Variants in ATP7A observed in about 807,000 individuals in gnomAD.
ATP7A encodes ATPase copper transporting alpha.
In ATP7A, 7 loss-of-function variants were observed where a neutral mutation model predicts 83.5. The observed-to-expected ratio is 0.08, with a 90% CI of 0.05 to 0.16. The LOEUF (loss-of-function observed/expected upper bound fraction) is 0.16, where lower values mean the gene tolerates loss of function less well. Among genes scored for constraint, ATP7A ranks in the 10% least tolerant of loss-of-function variants. The pLI is 1.00. For missense variants in ATP7A, 940 were observed against 1,120.8 expected (o/e 0.84, Z 2.30); for synonymous variants, 354 against 395.2 (o/e 0.90, Z 1.24).
chrX:77,948,125 G>A (rs202142685), intron 1 of ATP7A, among the ~76,000 whole-genome samples: 15 of 94,077 alleles, frequency 1.6e-4, no homozygotes, highest in East Asian at 1.3e-3. Context: ...TCATTCATTC[G>A]TTCATTCATT....
chrX:78,030,200 C>T (rs2077973841), intron 15 of ATP7A, among the ~76,000 whole-genome samples: 1 of 111,866 alleles, frequency 8.9e-6, no homozygotes, highest in South Asian at 3.7e-4. Context: ...CTGAGGCAGG[C>T]GGACCACGAG....
intron 1 of ATP7A, among the ~76,000 whole-genome samples, chrX:77,934,192 T>C (rs971253457): frequency 5.4e-5 from 6 of 111,056 alleles, no homozygotes; most frequent in Non-Finnish European, 1.1e-4. Flanking sequence ...GGCAGGAGGA[T>C]TGCTTGAGCT....
chrX:78,020,283 T>C lies in ATP7A; in HGVS notation c.2666T>C (p.Val889Ala). 8.3e-7 allele frequency: 1 copy of C among 1,211,588 alleles called. No individual in the cohort carries two copies. Among genetic ancestry groups the C allele is most frequent in the Non-Finnish European group, 1.1e-6 (1 of 895,247 alleles). ...MPVAKKPGST[V>A]IAGSINQNGS... The stretch of plus-strand genomic sequence containing the variant: ...GTGGCTAAGAAACCTGGCAGCACAG[T>C]GATTGCTGGTTCCATTAACCAGAAC... Residue 889 changes from valine to alanine, a missense_variant, in exon 13 of 23, where the codon GTG (valine) becomes GCG (alanine). By Grantham distance (64) the Val-to-Ala change is moderately conservative (BLOSUM62 0). Coordinates refer to ENST00000341514, the MANE Select transcript of ATP7A (RefSeq NM_000052.7).
intron 10 of ATP7A, among the ~76,000 whole-genome samples, chrX:78,014,300 G>A (rs1224568455): frequency 1.8e-5 from 2 of 109,153 alleles, no homozygotes; most frequent in Non-Finnish European, 3.8e-5. Flanking sequence ...AGCTACTCGG[G>A]AGGCTGAGGC....
At chrX:77,951,329 A>G (rs2077412585) in intron 1 of ATP7A, among the ~76,000 whole-genome samples, 1 of 111,662 alleles carries the variant, frequency 9.0e-6, no homozygotes, top group East Asian at 2.8e-4. Context: ...ATATTTTCCT[A>G]GTATTTTTTA....
At chrX:78,036,659 T>C (rs782773886) in intron 17 of ATP7A, among the ~76,000 whole-genome samples, 1 of 111,119 alleles carries the variant, frequency 9.0e-6, no homozygotes, top group East Asian at 2.8e-4. Flanking sequence ...GGCGGGTGGA[T>C]CACTTCAGGT....
At chrX:77,983,455 C>T (rs2077615727) in intron 2 of ATP7A, among the ~76,000 whole-genome samples, 1 of 111,669 alleles carries the variant, frequency 9.0e-6, no homozygotes, top group Non-Finnish European at 1.9e-5. Context: ...GCCTGAATTT[C>T]ATGTTTGACA....
intron 2 of ATP7A, among the ~76,000 whole-genome samples, chrX:77,983,398 G>A (rs1375790819): frequency 1.8e-5 from 2 of 111,720 alleles, no homozygotes; most frequent in Non-Finnish European, 3.8e-5. Context: ...AGTCTTTGTG[G>A]GTTTATGCAA....
intron 1 of ATP7A, among the ~76,000 whole-genome samples, chrX:77,926,301 A>G (rs1465636977): frequency 8.9e-6 from 1 of 112,258 alleles, no homozygotes; most frequent in Non-Finnish European, 1.9e-5. Flanking sequence ...TAGAACATTG[A>G]TAAATGGTCA....
chrX:78,031,608 A>T (rs1415559451), intron 16 of ATP7A, 26 bp downstream of exon 16: 2 of 1,182,517 alleles, frequency 1.7e-6, no homozygotes, highest in Middle Eastern at 2.3e-4. Context: ...CTTGTTTATT[A>T]GTGTAGTCAT....
At chrX:77,920,972 TA>T (rs1480549606) in intron 1 of ATP7A, among the ~76,000 whole-genome samples, 1 of 112,249 alleles carries the variant, frequency 8.9e-6, no homozygotes, top group African/African-American at 3.2e-5. Flanking sequence ...AATAATACAA[TA>T]TTTGCCCTTT....
chrX:78,009,969 A>G, intron 7 of ATP7A, among the ~76,000 whole-genome samples: 1 of 112,832 alleles, frequency 8.9e-6, no homozygotes, highest in East Asian at 2.8e-4. Context: ...TGACAGATTC[A>G]TCCTGTGTTC....
At chrX:77,916,260 T>A (rs1311143928) in intron 1 of ATP7A, among the ~76,000 whole-genome samples, 1 of 98,691 alleles carries the variant, frequency 1.0e-5, no homozygotes, top group African/African-American at 3.8e-5. Flanking sequence ...GAGGCTAAAG[T>A]GGGGGAATTG....
chrX:78,007,018 G>C (rs1557233817), intron 6 of ATP7A, among the ~76,000 whole-genome samples: 1 of 109,296 alleles, frequency 9.1e-6, no homozygotes, highest in East Asian at 2.8e-4. Context: ...TTCCCTTGGG[G>C]ATATACCTAG....
At chrX:77,953,678 C>G (rs782639335) in intron 1 of ATP7A, among the ~76,000 whole-genome samples, 1 of 112,347 alleles carries the variant, frequency 8.9e-6, no homozygotes, top group East Asian at 2.8e-4. Flanking sequence ...GGGAACCTGT[C>G]TCTACCTGTG....
rs2077859438 is a variant in ATP7A, at chrX:78,015,859, G to A, written c.2604G>A (p.Met868Ile). The change falls in exon 12 of 23, where the codon ATG (methionine) becomes ATA (isoleucine). Residue 868 changes from methionine (M) to isoleucine (I), a missense_variant. Met to Ile is a conservative substitution (Grantham distance 10). This residue lies in a region of ATP7A where 386 missense variants were observed against 502.2 expected (regional missense o/e 0.77). Transcript: ENST00000341514. ...VDGRVIEGHS[M>I]VDESLITGEA... ...GTCGTGTTATTGAAGGACATTCTAT[G>A]GTAGATGAGTCCCTCATCACAGGTA... 8.3e-7 allele frequency: 1 copy of A among 1,209,847 alleles called. No individual in the cohort carries two copies. The highest frequency in any genetic ancestry group is 1.1e-6 in the Non-Finnish European group (1 of 894,895).
At chrX:78,031,673 A>T in intron 16 of ATP7A, 91 bp downstream of exon 16, 1 of 984,893 alleles carries the variant, frequency 1.0e-6, no homozygotes, top group South Asian at 2.0e-5. Context: ...TGTGATTTGC[A>T]TATATAGTTG....
At chrX:77,957,227 A>T (rs782419109) in intron 1 of ATP7A, among the ~76,000 whole-genome samples, 50 of 111,249 alleles carry the variant, frequency 4.5e-4, no homozygotes, top group South Asian at 1.5e-3. Flanking sequence ...GGTCATTTTT[A>T]AAAAAATTTA....
intron 1 of ATP7A, among the ~76,000 whole-genome samples, chrX:77,937,674 A>G (rs2077327259): frequency 8.9e-6 from 1 of 111,932 alleles, no homozygotes; most frequent in Non-Finnish European, 1.9e-5. Context: ...GCTAGGTGAA[A>G]GACACCAGAT....
Sources: gnomAD v4.1 joint callset for allele counts (sites outside exome capture counted in the v4.1 genomes callset) on GRCh38, gnomAD v4.1.1 for gene constraint, gnomAD v4.1.1 regional missense constraint, MANE v1.5 for transcripts, NCBI Gene and HGNC (gene_info 2026-07-23, HGNC 2026-07-21) for gene names.